Variants in NXPE2 observed in about 807,000 individuals in gnomAD.
NXPE2 encodes neurexophilin and PC-esterase domain family member 2, also known as NXPE family member 2.
A neutral mutation model predicts 34.4 loss-of-function variants in NXPE2; 34 were observed. That is an observed-to-expected ratio of 0.99 (90% CI 0.75 to 1.31). The LOEUF (loss-of-function observed/expected upper bound fraction) is 1.31. Ranked by LOEUF, NXPE2 falls within the 40% of genes most tolerant of loss-of-function variation. The pLI, the probability that NXPE2 is intolerant of heterozygous loss-of-function variation, is 0.00. For missense variants in NXPE2, 649 were observed against 672.5 expected (o/e 0.97, Z 0.39); for synonymous variants, 235 against 231.3 (o/e 1.02, Z -0.15).
the NXPE2 span, among the ~76,000 whole-genome samples, chr11:114,770,534 G>A: frequency 6.6e-6 from 1 of 152,190 alleles, no homozygotes; most frequent in Non-Finnish European, 1.5e-5. Context: ...TTCATCTCCT[G>A]GGGCAGAAAG....
chr11:114,810,316 G>A, the NXPE2 span, among the ~76,000 whole-genome samples: 3 of 149,910 alleles, frequency 2.0e-5, no homozygotes, highest in Non-Finnish European at 4.4e-5. Flanking sequence ...AAAAGCAATG[G>A]CAACAAAAGC....
chr11:114,773,771 A>G, the NXPE2 span, among the ~76,000 whole-genome samples: 1 of 152,236 alleles, frequency 6.6e-6, no homozygotes, highest in African/African-American at 2.4e-5. Flanking sequence ...TAAGTAGAAC[A>G]AAAGGTGGAA....
chr11:114,642,584 G>T, the NXPE2 span, among the ~76,000 whole-genome samples: 1 of 152,062 alleles, frequency 6.6e-6, no homozygotes, highest in African/African-American at 2.4e-5. Flanking sequence ...TCCCTGCAAA[G>T]GACACGAACT....
At chr11:114,780,421 G>A in the NXPE2 span, among the ~76,000 whole-genome samples, 1 of 152,246 alleles carries the variant, frequency 6.6e-6, no homozygotes, top group Admixed American at 6.5e-5. Context: ...GCTGGGTTGA[G>A]GAGAGGCACA....
the NXPE2 span, among the ~76,000 whole-genome samples, chr11:114,763,028 T>G: frequency 1.3e-5 from 2 of 152,142 alleles, no homozygotes; most frequent in Non-Finnish European, 2.9e-5. Flanking sequence ...ACTGGGGACA[T>G]TCTACTTTTA....
At chr11:114,577,232 A>G in the NXPE2 span, among the ~76,000 whole-genome samples, 3 of 150,844 alleles carry the variant, frequency 2.0e-5, no homozygotes, top group South Asian at 6.3e-4. Flanking sequence ...AAAAGGAATG[A>G]AAGAATGGCA....
the NXPE2 span, among the ~76,000 whole-genome samples, chr11:114,791,636 T>C: frequency 1.3e-5 from 2 of 152,016 alleles, no homozygotes; most frequent in Non-Finnish European, 2.9e-5. Flanking sequence ...AATGAAAGAA[T>C]GGATAAGGTA....
At chr11:114,769,074 A>AAT in the NXPE2 span, among the ~76,000 whole-genome samples, 7 of 152,196 alleles carry the variant, frequency 4.6e-5, no homozygotes, top group African/African-American at 1.7e-4. Context: ...ACAAAAGGCT[A>AAT]ATATTCAGAA....
the NXPE2 span, among the ~76,000 whole-genome samples, chr11:114,600,477 A>G: frequency 1.3e-5 from 2 of 152,162 alleles, no homozygotes; most frequent in East Asian, 1.9e-4. Context: ...CATCACGTCT[A>G]TGGTATTCTT....
the NXPE2 span, among the ~76,000 whole-genome samples, chr11:114,791,607 C>T: frequency 1.3e-5 from 2 of 152,082 alleles, no homozygotes; most frequent in Non-Finnish European, 2.9e-5. Context: ...AGAGGAAGCA[C>T]GTTACCAAAG....
the NXPE2 span, among the ~76,000 whole-genome samples, chr11:114,741,799 TG>T: frequency 6.6e-6 from 1 of 152,210 alleles, no homozygotes; most frequent in Non-Finnish European, 1.5e-5. Flanking sequence ...GTTAGGCAAT[TG>T]ATCATAATTT....
chr11:114,567,473 A>G, the NXPE2 span, among the ~76,000 whole-genome samples: 1 of 152,160 alleles, frequency 6.6e-6, no homozygotes, highest in South Asian at 2.1e-4. Context: ...AATAAGGCTG[A>G]ACGGCAGCCT....
At chr11:114,614,270 C>T in the NXPE2 span, among the ~76,000 whole-genome samples, 3 of 150,220 alleles carry the variant, frequency 2.0e-5, no homozygotes, top group African/African-American at 4.9e-5. Context: ...AGTATTGCTT[C>T]ATGGGTAAGC....
chr11:114,726,558 T>G, the NXPE2 span, among the ~76,000 whole-genome samples: 1 of 152,094 alleles, frequency 6.6e-6, no homozygotes, highest in South Asian at 2.1e-4. Flanking sequence ...TATTGTTGTA[T>G]GTCAAATATA....
intron 1 of NXPE2, 87 bp from the exon 2 acceptor site, chr11:114,679,570 G>C (rs973968914): frequency 2.8e-6 from 2 of 712,056 alleles, no homozygotes; most frequent in African/African-American, 3.6e-5. Context: ...CCTTGTTCTG[G>C]AAATTACTGA....
chr11:114,766,994 T>A, the NXPE2 span, among the ~76,000 whole-genome samples: 8 of 151,436 alleles, frequency 5.3e-5, no homozygotes, highest in East Asian at 3.9e-4. Context: ...AAAAAAAAAA[T>A]ATTTTTTCCT....
the NXPE2 span, among the ~76,000 whole-genome samples, chr11:114,631,614 G>A: frequency 1.3e-5 from 2 of 151,892 alleles, no homozygotes; most frequent in Non-Finnish European, 2.9e-5. Context: ...CATGGCACAT[G>A]TATACATATG....
intron 3 of NXPE2, among the ~76,000 whole-genome samples, chr11:114,701,764 T>C (rs185473337): frequency 2.0e-5 from 3 of 152,336 alleles, no homozygotes; most frequent in Non-Finnish European, 4.4e-5. Context: ...CCGTTAACCC[T>C]TGAACAACCC....
chr11:114,772,371 G>A, the NXPE2 span, among the ~76,000 whole-genome samples: 1 of 151,656 alleles, frequency 6.6e-6, no homozygotes, highest in African/African-American at 2.4e-5. Context: ...CCTATTCTTA[G>A]GGGATTAAAA....
Sources: allele counts gnomAD v4.1 joint callset (sites outside exome capture counted in the v4.1 genomes callset), GRCh38; gene constraint gnomAD v4.1.1; transcripts MANE v1.5; gene names NCBI Gene and HGNC (gene_info 2026-07-23, HGNC 2026-07-21).